ZNF517: variants seen among roughly 807,000 people sequenced by gnomAD.
ZNF517 encodes the protein zinc finger protein 517.
ZNF517 carries 12 observed loss-of-function variants against 12.1 expected under a neutral mutation model. That is an observed-to-expected ratio of 0.99 (90% CI 0.63 to 1.61). ZNF517 has a LOEUF of 1.61. ZNF517 is among the 40% of genes most tolerant of loss of function. The probability of loss-of-function intolerance (pLI) is 0.00; values close to 1 mark genes in which losing one functional copy is unlikely to be tolerated. For synonymous variants in ZNF517, 388 were observed against 310.2 expected, an observed-to-expected ratio of 1.25 and a Z score of -2.63; for missense variants, 781 against 693.2, an observed-to-expected ratio of 1.13 and a Z score of -1.42.
intron 4 of ZNF517, among the ~76,000 whole-genome samples, chr8:144,805,780 C>T (rs1228866290): frequency 6.7e-6 from 1 of 149,922 alleles, no homozygotes; most frequent in East Asian, 2.0e-4. Context: ...CACGCCCAGC[C>T]AATTTTTTTT....
chr8:144,809,342 C>G lies in ZNF517; in HGVS notation c.*947C>G, dbSNP rs968036707. On this transcript the variant is annotated 3_prime_UTR_variant, in exon 5 of 5. Transcript: ENST00000359971. The stretch of plus-strand genomic sequence containing the variant: ...AGTAGCTGGGACTAAGGCACACACA[C>G]TGTACTTGGCAGCTGGCGAAGCATT... 6.6e-6 allele frequency: 1 copy of G among 152,180 alleles called. No individual in the cohort carries two copies. The highest frequency in any genetic ancestry group is 2.4e-5 in the African/African-American group (1 of 41,434). The allele number at this position is 152,180 out of a possible 1,614,324, so 9.4% of individuals were successfully genotyped here.
chr8:144,808,572 C>T lies in ZNF517; in HGVS notation c.*177C>T, dbSNP rs1375941285. The T allele has an allele frequency of 4.3e-6, 4 of 919,930 alleles. No individual in the cohort carries two copies. The East Asian group carries it at 9.7e-5, about 22-fold the overall frequency. 57.0% of individuals were successfully genotyped at this position (919,930 alleles called of 1,614,324 possible). On this transcript the variant is annotated 3_prime_UTR_variant, in exon 5 of 5. Transcript: ENST00000359971. ...CGGGCACTGGGGAGGGAAAGGGCAC[C>T]AGGCAGCCCGTGGTGTGGCCTCAGG...
Position 144,807,761 on chromosome 8 carries a change from T to C in ZNF517, c.845T>C (p.Phe282Ser). 1 of 1,612,294 alleles carries C rather than the reference T, an allele frequency of 6.2e-7. No homozygotes were observed. The highest frequency in any genetic ancestry group is 2.2e-5 in the East Asian group (1 of 44,838). Residue 282 changes from phenylalanine (F) to serine (S), a missense_variant, in exon 5 of 5, where the codon TTC (phenylalanine) becomes TCC (serine). By Grantham distance (155) the Phe-to-Ser change is radical (BLOSUM62 -2). Coordinates refer to ENST00000359971, the MANE Select transcript of ZNF517 (RefSeq NM_213605.3). ...TCCCGGCTGCTGCAGCACCAGAAGTTCCACACCGGGGAGAAGCCCTTCGCG... is the reference window on the plus strand; with the variant it reads ...TCCCGGCTGCTGCAGCACCAGAAGTCCCACACCGGGGAGAAGCCCTTCGCG... ...RSSRLLQHQK[F>S]HTGEKPFACT...
At chr8:144,799,884 G>A (rs1378024169) in intron 1 of ZNF517, among the ~76,000 whole-genome samples, 1 of 152,256 alleles carries the variant, frequency 6.6e-6, no homozygotes, top group African/African-American at 2.4e-5. Context: ...AGCTTGCAGT[G>A]AGCCGAGATC....
rs571957824 is a variant in ZNF517, at chr8:144,807,785, C to T, written c.869C>T (p.Ala290Val). 1.3e-5 allele frequency: 21 copies of T among 1,610,514 alleles called. No individual in the cohort carries two copies. In the South Asian group the frequency reaches 2.1e-4, roughly 16 times the overall value. ...TTCCACACCGGGGAGAAGCCCTTCG[C>T]GTGCACAGAGTGCGGCAAGGCGTTC... is the stretch of plus-strand genomic sequence containing the variant. ...QKFHTGEKPF[A>V]CTECGKAFCR... Residue 290 changes from alanine to valine, a missense_variant, in exon 5 of 5, where the codon GCG (alanine) becomes GTG (valine). Physicochemically the swap from Ala to Val is moderately conservative, Grantham distance 64. Coordinates refer to ENST00000359971, the MANE Select transcript of ZNF517 (RefSeq NM_213605.3).
downstream of ZNF517, chr8:144,810,374 G>A (rs1377392364): frequency 2.3e-5 from 11 of 473,156 alleles, no homozygotes; most frequent in Non-Finnish European, 3.8e-5. Flanking sequence ...CGGGCTGTGC[G>A]CCCCACAGTC....
chr8:144,812,476 A>C (rs899712054), downstream of ZNF517, among the ~76,000 whole-genome samples: 1 of 149,348 alleles, frequency 6.7e-6, no homozygotes, highest in Non-Finnish European at 1.5e-5. Flanking sequence ...AGACTGCAGA[A>C]TGGAAGCAAA....
intron 1 of ZNF517, among the ~76,000 whole-genome samples, chr8:144,799,971 T>C (rs1469227407): frequency 1.3e-5 from 2 of 152,022 alleles, no homozygotes; most frequent in Non-Finnish European, 2.9e-5. Context: ...AGAGTTAACA[T>C]TTGAACTGAA....
Position 144,803,228 on chromosome 8 carries a change from C to T in ZNF517, c.33+281C>T, listed in dbSNP as rs149724460. 3.2e-4 allele frequency: 166 copies of T among 513,922 alleles called. No homozygotes were observed. In the East Asian group the frequency reaches 5.3e-3, roughly 16 times the overall value. 31.8% of individuals were successfully genotyped at this position (513,922 alleles called of 1,614,324 possible). ...GCAGGGTCCCTGTCCTTCCCCAGTG[C>T]CTGCCTCCTTCCTGGTGTGAATGGT... On this transcript the variant is annotated intron_variant, in intron 2 of 4. Coordinates refer to ENST00000359971, the MANE Select transcript of ZNF517 (RefSeq NM_213605.3).
Position 144,807,485 on chromosome 8 carries a change from C to A in ZNF517, c.569C>A (p.Ser190Ter). ...CVCGKAFRYNSLLLRHQIIHT... is the reference protein window; with the variant it reads ...CVCGKAFRYN Reference sequence around the variant, plus strand: ...TGCGGCAAGGCGTTCAGATACAACTCGCTGCTTCTCAGGCACCAGATCATC... The same window carrying A: ...TGCGGCAAGGCGTTCAGATACAACTAGCTGCTTCTCAGGCACCAGATCATC... Residue 190 changes from serine (S) to a stop codon, truncating the protein, a stop_gained, in exon 5 of 5, where the codon TCG (serine) becomes TAG (stop). Coordinates refer to ENST00000359971, the MANE Select transcript of ZNF517 (RefSeq NM_213605.3). LOFTEE classifies it low-confidence loss of function (END_TRUNC). The A allele has an allele frequency of 1.9e-6, 3 of 1,583,948 alleles. No homozygotes were observed. The highest frequency in any genetic ancestry group is 1.4e-5 in the African/African-American group (1 of 74,024).
rs1827414139 is a variant in ZNF517 at position 144,808,526 on chromosome 8, A to G, written c.*131A>G. ...AAAGAAAGGGCCAGCTCCCATCAGG[A>G]GCTCGGCTTCTTGCTCCAGCCGGGC... On this transcript the variant is annotated 3_prime_UTR_variant, in exon 5 of 5. Coordinates refer to ENST00000359971, the MANE Select transcript of ZNF517 (RefSeq NM_213605.3). The G allele has an allele frequency of 1.6e-6, 2 of 1,248,496 alleles. No individual in the cohort carries two copies. The highest frequency in any genetic ancestry group is 6.2e-5 in the East Asian group (2 of 32,048). The allele number at this position is 1,248,496 out of a possible 1,614,324, so 77.3% of individuals were successfully genotyped here.
chr8:144,808,605 A>G lies in ZNF517; in HGVS notation c.*210A>G, dbSNP rs1348817116. On this transcript the variant is annotated 3_prime_UTR_variant, in exon 5 of 5. Coordinates refer to ENST00000359971, the MANE Select transcript of ZNF517 (RefSeq NM_213605.3). ...CCGTGGTGTGGCCTCAGGAACCACT[A>G]TCAGCCACCATTTCCTGGGGCCTTC... 3.5e-6 allele frequency: 2 copies of G among 570,404 alleles called. No individual in the cohort carries two copies. Among genetic ancestry groups the G allele is most frequent in the Non-Finnish European group, 5.4e-6 (2 of 373,646 alleles). The allele number at this position is 570,404 out of a possible 1,614,324, so 35.3% of individuals were successfully genotyped here.
Position 144,808,335 on chromosome 8 carries a change from G to A in ZNF517, c.1419G>A (p.Val473=), listed in dbSNP as rs756630317. 2.0e-6 allele frequency: 3 copies of A among 1,488,084 alleles called. No homozygotes were observed. The highest frequency in any genetic ancestry group is 4.7e-5 in the Admixed American group (2 of 42,768). 92.2% of individuals were successfully genotyped at this position (1,488,084 alleles called of 1,614,324 possible). Residue 473 remains valine (V), a synonymous_variant, in exon 5 of 5, where the codon GTG becomes GTA. Transcript: ENST00000359971. The stretch of plus-strand genomic sequence containing the variant: ...CCACCCTCATCCAGCACCAGAAGGT[G>A]CACGGCCGCGAGCCCGGGGAGGACA... ...RLSTLIQHQK[V]HGREPGEDTE...
intron 1 of ZNF517, among the ~76,000 whole-genome samples, chr8:144,801,462 A>G (rs1826955678): frequency 6.6e-6 from 1 of 152,080 alleles, no homozygotes. Context: ...CCAAGGTTGC[A>G]CCATTGCACT....
Position 144,808,288 on chromosome 8 carries a change from G to C in ZNF517, c.1372G>C (p.Gly458Arg), listed in dbSNP as rs373001972. The C allele has an allele frequency of 1.3e-6, 2 of 1,554,884 alleles. No individual in the cohort carries two copies. Among genetic ancestry groups the C allele is most frequent in the South Asian group, 2.4e-5 (2 of 83,966 alleles). Residue 458 changes from glycine (G) to arginine (R), a missense_variant, in exon 5 of 5, where the codon GGG becomes CGG. By Grantham distance (125) the Gly-to-Arg change is moderately radical (BLOSUM62 -2). Coordinates refer to ENST00000359971, the MANE Select transcript of ZNF517 (RefSeq NM_213605.3). ...GAGGCCATACCGGTGCCGCGCCTGC[G>C]GGAGGGCCTGCAGCCGGCTGTCCAC... ...GERPYRCRAC[G>R]RACSRLSTLI...
Position 144,808,105 on chromosome 8 carries a change from G to A in ZNF517, c.1189G>A (p.Glu397Lys). The part of the protein sequence containing the change: ...LRLHTGEKPF[E>K]CAECGKAFGR... ...CCTACACACGGGCGAGAAGCCGTTC[G>A]AGTGCGCGGAGTGCGGCAAGGCCTT... Residue 397 changes from glutamate (E) to lysine (K), a missense_variant, in exon 5 of 5, where the codon GAG becomes AAG. Coordinates refer to ENST00000359971, the MANE Select transcript of ZNF517 (RefSeq NM_213605.3). 1 of 1,611,432 alleles carries A rather than the reference G, an allele frequency of 6.2e-7. No individual in the cohort carries two copies. The highest frequency in any genetic ancestry group is 8.5e-7 in the Non-Finnish European group (1 of 1,179,320).
chr8:144,799,901 C>G (rs1826872930), intron 1 of ZNF517, among the ~76,000 whole-genome samples: 3 of 152,226 alleles, frequency 2.0e-5, no homozygotes, highest in Admixed American at 2.0e-4. Context: ...GATCGCGCCA[C>G]TGGTCTCCAG....
intron 1 of ZNF517, 78 bp downstream of exon 1, chr8:144,799,015 C>G (rs914977398): frequency 3.3e-5 from 5 of 152,188 alleles, no homozygotes; most frequent in Non-Finnish European, 7.3e-5. Context: ...GGCTGTAGCC[C>G]CCGCAGTGGG....
At chr8:144,803,046 C>A in intron 2 of ZNF517, 99 bp downstream of exon 2, 4 of 1,480,560 alleles carry the variant, frequency 2.7e-6, no homozygotes, top group Non-Finnish European at 3.7e-6. Flanking sequence ...CTCACACCCA[C>A]CCACATCACA....
Sources: allele counts gnomAD v4.1 joint callset (sites outside exome capture counted in the v4.1 genomes callset), GRCh38; gene constraint gnomAD v4.1.1; transcripts MANE v1.5; gene names NCBI Gene and HGNC (gene_info 2026-07-23, HGNC 2026-07-21).